The following SORCS1 variants were observed in gnomAD, a reference collection of about 807,000 sequenced individuals.
SORCS1 encodes VPS10 domain-containing receptor SorCS1.
In SORCS1, 60 loss-of-function variants were observed where a neutral mutation model predicts 146.1. The ratio of observed to expected loss-of-function variants is 0.41; its 90% CI spans 0.33 to 0.51. SORCS1 has a LOEUF of 0.51. Among genes scored for constraint, SORCS1 ranks in the 20% least tolerant of loss-of-function variants. The probability of loss-of-function intolerance (pLI) is 0.21; values close to 1 mark genes in which losing one functional copy is unlikely to be tolerated. For synonymous variants in SORCS1, 637 were observed against 584.0 expected, an observed-to-expected ratio of 1.09 and a Z score of -1.31; for missense variants, 1,352 against 1,487.6, an observed-to-expected ratio of 0.91 and a Z score of 1.50.
intron 4 of SORCS1, among the ~76,000 whole-genome samples, chr10:106,773,997 C>T (rs1335616343): frequency 6.6e-6 from 1 of 152,016 alleles, no homozygotes; most frequent in Non-Finnish European, 1.5e-5. Flanking sequence ...AGCCCCTTAC[C>T]CCATTTGTAG....
At chr10:107,076,279 T>C (rs1482581085) in intron 1 of SORCS1, among the ~76,000 whole-genome samples, 2 of 152,148 alleles carry the variant, frequency 1.3e-5, no homozygotes, top group East Asian at 1.9e-4. Context: ...TCATAGAGCA[T>C]ATTAGCATGT....
intron 1 of SORCS1, among the ~76,000 whole-genome samples, chr10:107,068,121 C>A (rs549238989): frequency 1.2e-4 from 18 of 152,254 alleles, no homozygotes; most frequent in African/African-American, 4.3e-4. Flanking sequence ...ATGCGAATTG[C>A]TTTCAGTAAT....
intron 22 of SORCS1, among the ~76,000 whole-genome samples, chr10:106,611,451 C>T (rs1846980426): frequency 6.6e-6 from 1 of 152,194 alleles, no homozygotes; most frequent in Non-Finnish European, 1.5e-5. Flanking sequence ...ACTGAATGCT[C>T]ACTGCACTGT....
At chr10:106,692,892 T>C (rs1394356355) in intron 9 of SORCS1, among the ~76,000 whole-genome samples, 1 of 152,016 alleles carries the variant, frequency 6.6e-6, no homozygotes, top group East Asian at 1.9e-4. Context: ...TGTTATTTAC[T>C]AATTATATAA....
At chr10:106,753,569 C>T (rs941203524) in intron 5 of SORCS1, among the ~76,000 whole-genome samples, 1 of 151,810 alleles carries the variant, frequency 6.6e-6, no homozygotes, top group Non-Finnish European at 1.5e-5. Flanking sequence ...GGAGTGTTTT[C>T]TGATCATGGA....
intron 2 of SORCS1, among the ~76,000 whole-genome samples, chr10:106,955,670 C>T (rs1481357514): frequency 6.6e-6 from 1 of 152,166 alleles, no homozygotes; most frequent in Non-Finnish European, 1.5e-5. Context: ...GCAGGACCAC[C>T]ATGGAAGGGA....
intron 7 of SORCS1, 90 bp downstream of exon 7, chr10:106,709,133 A>T: frequency 1.1e-6 from 1 of 915,906 alleles, no homozygotes; most frequent in Non-Finnish European, 1.7e-6. Context: ...TCTCTTTTTG[A>T]CTCTTAATGG....
intron 24 of SORCS1, among the ~76,000 whole-genome samples, chr10:106,586,779 C>T (rs1845264102): frequency 6.6e-6 from 1 of 152,168 alleles, no homozygotes; most frequent in Non-Finnish European, 1.5e-5. Context: ...AACATAGCAA[C>T]ACCCTGTCTC....
At chr10:106,773,443 G>A (rs755797307) in intron 4 of SORCS1, among the ~76,000 whole-genome samples, 140 of 152,246 alleles carry the variant, frequency 9.2e-4, no homozygotes, top group Non-Finnish European at 1.5e-3. Flanking sequence ...TAACGGCTGC[G>A]GCTCACTCCC....
intron 2 of SORCS1, among the ~76,000 whole-genome samples, chr10:106,864,375 T>C (rs1407840414): frequency 6.6e-6 from 1 of 152,090 alleles, no homozygotes; most frequent in African/African-American, 2.4e-5. Flanking sequence ...CCGTGGATCT[T>C]TGCAACCCTC....
chr10:107,144,537 T>C (rs1968136095), intron 1 of SORCS1, among the ~76,000 whole-genome samples: 2 of 152,230 alleles, frequency 1.3e-5, no homozygotes, highest in Non-Finnish European at 2.9e-5. Context: ...CATCTCATCA[T>C]ATACAAGGCA....
intron 23 of SORCS1, among the ~76,000 whole-genome samples, chr10:106,606,910 T>C (rs1370540299): frequency 6.6e-6 from 1 of 152,208 alleles, no homozygotes; most frequent in East Asian, 1.9e-4. Context: ...GCCATGATTG[T>C]AAGTTTCCTG....
At chr10:106,809,439 T>C (rs768847264) in intron 3 of SORCS1, among the ~76,000 whole-genome samples, 12 of 152,078 alleles carry the variant, frequency 7.9e-5, no homozygotes, top group Non-Finnish European at 1.8e-4. Context: ...TCTCTCATCA[T>C]GCCAGGATCC....
At chr10:107,102,163 T>C (rs77928530) in intron 1 of SORCS1, among the ~76,000 whole-genome samples, 1,556 of 152,312 alleles carry the variant, frequency 0.01, 22 homozygotes, top group Non-Finnish European at 0.012. Context: ...AATGAACAAA[T>C]GCATGTTTAA....
At chr10:106,750,525 C>A (rs1030886039) in intron 5 of SORCS1, among the ~76,000 whole-genome samples, 2 of 139,402 alleles carry the variant, frequency 1.4e-5, no homozygotes, top group African/African-American at 5.3e-5. Flanking sequence ...GATAGGAGAT[C>A]GAGACGATCC....
At chr10:106,900,150 C>T (rs1951647568) in intron 2 of SORCS1, among the ~76,000 whole-genome samples, 1 of 152,102 alleles carries the variant, frequency 6.6e-6, no homozygotes, top group African/African-American at 2.4e-5. Context: ...TATGAATTTT[C>T]ATTACATCCT....
chr10:107,030,886 G>T (rs768275434), intron 1 of SORCS1, among the ~76,000 whole-genome samples: 11 of 152,322 alleles, frequency 7.2e-5, no homozygotes, highest in South Asian at 4.1e-4. Flanking sequence ...ACAAACAGCA[G>T]AAGAATGAAT....
intron 18 of SORCS1, among the ~76,000 whole-genome samples, chr10:106,646,674 G>A (rs1325875014): frequency 6.6e-6 from 1 of 152,050 alleles, no homozygotes; most frequent in African/African-American, 2.4e-5. Flanking sequence ...TCCAGCCTGG[G>A]CGACAGAGTG....
chr10:107,159,669 G>C (rs956754973), intron 1 of SORCS1, among the ~76,000 whole-genome samples: 1 of 152,112 alleles, frequency 6.6e-6, no homozygotes, highest in Non-Finnish European at 1.5e-5. Context: ...TGATTTAGCA[G>C]GACAACTAAG....
Sources: allele counts gnomAD v4.1 joint callset (sites outside exome capture counted in the v4.1 genomes callset), GRCh38; gene constraint gnomAD v4.1.1; transcripts MANE v1.5; gene names NCBI Gene and HGNC (gene_info 2026-07-23, HGNC 2026-07-21).